The following ZEB1 variants were observed in gnomAD, a reference collection of about 807,000 sequenced individuals.
ZEB1 encodes zinc finger E-box binding homeobox 1.
Under a neutral mutation model 84.9 loss-of-function variants are expected in ZEB1, and 21 were observed. The observed-to-expected ratio is 0.25, with a 90% CI of 0.18 to 0.36. The LOEUF is 0.36. Ranked by LOEUF, ZEB1 falls within the 10% of genes least tolerant of loss-of-function variation. The pLI is 1.00. For synonymous variants in ZEB1, 420 were observed against 471.1 expected, an observed-to-expected ratio of 0.89 and a Z score of 1.41; for missense variants, 1,104 against 1,330.2, an observed-to-expected ratio of 0.83 and a Z score of 2.65.
intron 8 of ZEB1, among the ~76,000 whole-genome samples, chr10:31,524,931 C>G (rs2073131638): frequency 6.6e-6 from 1 of 152,174 alleles, no homozygotes; most frequent in Admixed American, 6.5e-5. Flanking sequence ...TCCTGTAATT[C>G]TGCCACAAAA....
intron 1 of ZEB1, among the ~76,000 whole-genome samples, chr10:31,407,609 A>C (rs895506163): frequency 1.2e-4 from 18 of 152,134 alleles, no homozygotes; most frequent in Admixed American, 3.9e-4. Flanking sequence ...GGGTATATAC[A>C]CAGTAATGGG....
Position 31,454,813 on chromosome 10 carries a change from A to G in ZEB1, c.59-6224A>G, listed in dbSNP as rs7091187. On this transcript the variant is annotated intron_variant, in intron 1 of 8. Transcript: ENST00000424869. Reference sequence around the variant, plus strand: ...ATGCTCATGGATAAGAAGAATCACAATATAGTGAAAATGGCCATACTGCCG... The same window carrying G: ...ATGCTCATGGATAAGAAGAATCACAGTATAGTGAAAATGGCCATACTGCCG... 5.9e-3 allele frequency among the ~76,000 whole-genome samples: 900 copies of G among 152,350 alleles called. 12 individuals are homozygous for G. The highest frequency in any genetic ancestry group is 0.021 in the African/African-American group (858 of 41,576).
intron 1 of ZEB1, chr10:31,387,884 TC>T (rs1182823317): frequency 4.9e-6 from 2 of 410,440 alleles, no homozygotes; most frequent in African/African-American, 4.3e-5. Flanking sequence ...ATTGGCAATT[TC>T]TTTTTCGTCT....
intron 3 of ZEB1, among the ~76,000 whole-genome samples, chr10:31,501,152 T>C (rs2068068793): frequency 6.6e-6 from 1 of 152,186 alleles, no homozygotes; most frequent in African/African-American, 2.4e-5. Flanking sequence ...GAGTGCTGTT[T>C]TACAAATTTA....
chr10:31,425,252 T>C (rs1047615101), intron 1 of ZEB1, among the ~76,000 whole-genome samples: 5 of 152,032 alleles, frequency 3.3e-5, no homozygotes, highest in Non-Finnish European at 7.4e-5. Context: ...TATTTGAGAA[T>C]AAAAAGAAAT....
At chr10:31,392,463 G>A (rs1354434057) in intron 1 of ZEB1, among the ~76,000 whole-genome samples, 1 of 151,978 alleles carries the variant, frequency 6.6e-6, no homozygotes, top group African/African-American at 2.4e-5. Context: ...ACTTCCTGTT[G>A]GTTTTCAGTG....
At chr10:31,467,614 T>A (rs1164199400) in intron 2 of ZEB1, among the ~76,000 whole-genome samples, 1 of 152,166 alleles carries the variant, frequency 6.6e-6, no homozygotes, top group Non-Finnish European at 1.5e-5. Context: ...CTGCCAGTGG[T>A]TGATCCTAAG....
chr10:31,478,018 T>A (rs1333377871), intron 2 of ZEB1, among the ~76,000 whole-genome samples: 2 of 151,908 alleles, frequency 1.3e-5, no homozygotes, highest in African/African-American at 2.4e-5. Flanking sequence ...AGGTGGGACT[T>A]AATTAAACCA....
intron 1 of ZEB1, among the ~76,000 whole-genome samples, chr10:31,339,940 A>G (rs1427860519): frequency 1.3e-5 from 2 of 152,044 alleles, no homozygotes; most frequent in Non-Finnish European, 2.9e-5. Context: ...GTCATATAAT[A>G]TATGGTATTT....
At chr10:31,429,001 C>A (rs1463264635) in intron 1 of ZEB1, among the ~76,000 whole-genome samples, 1 of 152,084 alleles carries the variant, frequency 6.6e-6, no homozygotes, top group Non-Finnish European at 1.5e-5. Context: ...ACCATTGGAT[C>A]TTGGTTTTTT....
intron 1 of ZEB1, chr10:31,362,998 G>A: frequency 6.5e-7 from 1 of 1,534,030 alleles, no homozygotes; most frequent in Non-Finnish European, 8.7e-7. Flanking sequence ...CTTTGCCGGT[G>A]GGGGCCGCTC....
chr10:31,407,166 A>T lies in ZEB1; in HGVS notation c.59-53871A>T, dbSNP rs529890758. On this transcript the variant is annotated intron_variant, in intron 1 of 8. Coordinates refer to ENST00000424869, the MANE Select transcript of ZEB1 (RefSeq NM_001174096.2). Reference sequence around the variant, plus strand: ...ATGTGCAGGTTAGTTACATATGTATACATGTGCCATGCTGGTGCACTGCAC... The same window carrying T: ...ATGTGCAGGTTAGTTACATATGTATTCATGTGCCATGCTGGTGCACTGCAC... 9.6e-4 allele frequency among the ~76,000 whole-genome samples: 145 copies of T among 151,654 alleles called. 1 individual carries two copies. Among genetic ancestry groups the T allele is most frequent in the Admixed American group, 9.2e-3 (140 of 15,246 alleles).
At chr10:31,351,873 G>GT in intron 1 of ZEB1, among the ~76,000 whole-genome samples, 1 of 152,204 alleles carries the variant, frequency 6.6e-6, no homozygotes, top group Admixed American at 6.5e-5. Context: ...TTTTTATGAA[G>GT]TAGTATTTTG....
In ZEB1 at chr10:31,527,572, A is replaced by T; in HGVS notation, c.*308A>T. 1 of 358,894 alleles carries T rather than the reference A, an allele frequency of 2.8e-6. No homozygotes were observed. Among genetic ancestry groups the T allele is most frequent in the East Asian group, 5.7e-5 (1 of 17,652 alleles). 22.2% of individuals were successfully genotyped at this position (358,894 alleles called of 1,614,324 possible). On this transcript the variant is annotated 3_prime_UTR_variant, in exon 9 of 9. Coordinates refer to ENST00000424869, the MANE Select transcript of ZEB1 (RefSeq NM_001174096.2). ...AAACCTTAATGACTCAGAGAGCAAC[A>T]ATACAAGAGGTTAAAGGAAGCTGAT...
At chr10:31,456,571 T>C (rs2061264805) in intron 1 of ZEB1, among the ~76,000 whole-genome samples, 1 of 152,108 alleles carries the variant, frequency 6.6e-6, no homozygotes, top group Non-Finnish European at 1.5e-5. Context: ...AGTTTAAGAA[T>C]ATTTTTCATC....
intron 1 of ZEB1, among the ~76,000 whole-genome samples, chr10:31,451,094 A>G (rs944266691): frequency 6.6e-6 from 1 of 152,200 alleles, no homozygotes; most frequent in Non-Finnish European, 1.5e-5. Flanking sequence ...GTTAACTACT[A>G]TCTTCCTAAA....
chr10:31,404,839 G>GT (rs1240909254), intron 1 of ZEB1, among the ~76,000 whole-genome samples: 2 of 152,134 alleles, frequency 1.3e-5, no homozygotes, highest in African/African-American at 4.8e-5. Context: ...TTCAGAGGAA[G>GT]TAAGTGTTTG....
At chr10:31,383,721 C>T (rs1056092304) in intron 1 of ZEB1, among the ~76,000 whole-genome samples, 1 of 152,080 alleles carries the variant, frequency 6.6e-6, no homozygotes, top group Admixed American at 6.6e-5. Flanking sequence ...GAGCAGTAGT[C>T]ATATATGGCT....
intron 2 of ZEB1, among the ~76,000 whole-genome samples, chr10:31,464,453 A>G (rs758799530): frequency 1.3e-5 from 2 of 152,214 alleles, no homozygotes; most frequent in Non-Finnish European, 2.9e-5. Context: ...CAGCAGCCAT[A>G]CTTGAAGAAA....
Sources: gnomAD v4.1 joint callset for allele counts (sites outside exome capture counted in the v4.1 genomes callset) on GRCh38, gnomAD v4.1.1 for gene constraint, MANE v1.5 for transcripts, NCBI Gene and HGNC (gene_info 2026-07-23, HGNC 2026-07-21) for gene names.